The following MYO1H variants were observed in gnomAD, a reference collection of about 807,000 sequenced individuals.
The protein encoded by MYO1H is unconventional myosin-Ih.
Under a neutral mutation model 149.3 loss-of-function variants are expected in MYO1H, and 118 were observed. The ratio of observed to expected loss-of-function variants is 0.79; its 90% CI spans 0.68 to 0.92. MYO1H has a LOEUF of 0.92. MYO1H is among the 40% of genes least tolerant of loss of function. MYO1H has a pLI of 0.00. For synonymous variants in MYO1H, 447 were observed against 465.2 expected, an observed-to-expected ratio of 0.96 and a Z score of 0.50; for missense variants, 1,212 against 1,280.7, an observed-to-expected ratio of 0.95 and a Z score of 0.82.
Position 109,368,341 on chromosome 12 carries a change from G to A in MYO1H, c.13-20342G>A, listed in dbSNP as rs78804050. On this transcript the variant is annotated intron_variant, in intron 1 of 31. Transcript: ENST00000310903. ...AGATAATTGAAGGTAATAAACAATG[G>A]GACAACTTACAGTCATTAAAAAGAA... 2.5e-3 allele frequency among the ~76,000 whole-genome samples: 376 copies of A among 152,238 alleles called. 2 individuals are homozygous for A. The highest frequency in any genetic ancestry group is 8.8e-3 in the African/African-American group (364 of 41,524).
the MYO1H span, among the ~76,000 whole-genome samples, chr12:109,331,148 T>C: frequency 5.3e-5 from 8 of 152,232 alleles, no homozygotes; most frequent in African/African-American, 1.9e-4. Context: ...TGTTTTTTCA[T>C]CATTATCCTG....
chr12:109,409,240 C>CTTTTTTT (rs1870542742), intron 10 of MYO1H, among the ~76,000 whole-genome samples: 3 of 91,034 alleles, frequency 3.3e-5, no homozygotes, highest in Admixed American at 1.4e-4. Flanking sequence ...TCTTCTTCTT[C>CTTTTTTT]TTCTTCTTTT....
At chr12:109,332,753 A>C in the MYO1H span, among the ~76,000 whole-genome samples, 1 of 152,040 alleles carries the variant, frequency 6.6e-6, no homozygotes. Flanking sequence ...AATAATTAAA[A>C]ATTTTTATTG....
chr12:109,416,807 G>A (rs987739484), intron 15 of MYO1H, among the ~76,000 whole-genome samples: 1 of 152,144 alleles, frequency 6.6e-6, no homozygotes, highest in Non-Finnish European at 1.5e-5. Flanking sequence ...GGCCAAGATA[G>A]TGAAGCCCCA....
intron 1 of MYO1H, among the ~76,000 whole-genome samples, chr12:109,350,900 A>T (rs573777122): frequency 6.6e-6 from 1 of 152,372 alleles, no homozygotes; most frequent in Admixed American, 6.5e-5. Context: ...TAATTAGAGC[A>T]CAATATCTAA....
At chr12:109,397,097 G>A (rs1869949447) in intron 4 of MYO1H, among the ~76,000 whole-genome samples, 1 of 152,076 alleles carries the variant, frequency 6.6e-6, no homozygotes, top group Non-Finnish European at 1.5e-5. Flanking sequence ...CCAAAGTGCT[G>A]TAATTACAGG....
At chr12:109,358,628 G>A (rs1418019426) in intron 1 of MYO1H, among the ~76,000 whole-genome samples, 1 of 152,124 alleles carries the variant, frequency 6.6e-6, no homozygotes, top group African/African-American at 2.4e-5. Context: ...TTTTATGAAA[G>A]CCAGTTCCTA....
At chr12:109,436,905 A>T (rs1204389468) in intron 22 of MYO1H, among the ~76,000 whole-genome samples, 1 of 152,126 alleles carries the variant, frequency 6.6e-6, no homozygotes, top group Non-Finnish European at 1.5e-5. Context: ...CCTTGGCAGC[A>T]TGGTGAAACC....
In MYO1H at chr12:109,427,591, A is replaced by G. The variant is rs912283516; in HGVS notation, c.1949+5A>G. The G allele has an allele frequency of 6.9e-6, 11 of 1,590,818 alleles. No homozygotes were observed. The highest frequency in any genetic ancestry group is 4.0e-5 in the African/African-American group (3 of 74,372). On this transcript the variant is annotated splice_donor_5th_base_variant and intron_variant, in intron 19 of 31. Transcript: ENST00000310903. ...ATACGAGCATTTCTTGCAAAGGTAA[A>G]ATGTGCTTTATTGATCTGAAGCCAA...
At chr12:109,324,922 C>T in the MYO1H span, among the ~76,000 whole-genome samples, 1 of 152,112 alleles carries the variant, frequency 6.6e-6, no homozygotes, top group African/African-American at 2.4e-5. Flanking sequence ...CTCCCTGTGT[C>T]CCTGTGTTCT....
chr12:109,405,986 A>G (rs769568970), exon 8 of MYO1H: 6 of 1,613,888 alleles, frequency 3.7e-6, no homozygotes, highest in Non-Finnish European at 5.1e-6. Context: ...GAAGACGACC[A>G]AGGCTGTGCC....
At chr12:109,394,777 G>A (rs186053953) in intron 3 of MYO1H, among the ~76,000 whole-genome samples, 2 of 152,070 alleles carry the variant, frequency 1.3e-5, no homozygotes, top group African/African-American at 4.8e-5. Flanking sequence ...CCATATATAT[G>A]TTGAGACAGG....
At chr12:109,442,079 C>A in intron 26 of MYO1H, 138 bp from the exon 27 acceptor site, 1 of 720,618 alleles carries the variant, frequency 1.4e-6, no homozygotes, top group Non-Finnish European at 2.4e-6. Context: ...ATGCTCAACT[C>A]TGCAGCATTT....
At chr12:109,395,598 G>A (rs1428097270) in intron 3 of MYO1H, among the ~76,000 whole-genome samples, 1 of 139,172 alleles carries the variant, frequency 7.2e-6, no homozygotes, top group East Asian at 2.4e-4. Flanking sequence ...GCCAGGCGTG[G>A]TAGTGCTGCA....
chr12:109,413,675 C>T (rs1384435928), intron 14 of MYO1H, among the ~76,000 whole-genome samples: 2 of 152,036 alleles, frequency 1.3e-5, no homozygotes, highest in African/African-American at 4.8e-5. Context: ...TTTGAGAGGC[C>T]GAGGCAGCTG....
rs752136194 is a variant in MYO1H at position 109,401,158 on chromosome 12, CG to C, written c.637del (p.Glu213LysfsTer107). 1.2e-6 allele frequency: 2 copies of C among 1,613,872 alleles called. No homozygotes were observed. Among genetic ancestry groups the C allele is most frequent in the East Asian group, 4.5e-5 (2 of 44,876 alleles). ...AGAAGTCCCGAGTTGTCTACCAAAA[CG>C]AAGGCGAGCGGAATTTCCACATCTT... On this transcript the variant is annotated frameshift_variant, in exon 6 of 32. Transcript: ENST00000310903. LOFTEE classifies it high-confidence loss of function.
intron 31 of MYO1H, chr12:109,445,951 C>T (rs549387422): frequency 1.2e-5 from 12 of 985,382 alleles, no homozygotes; most frequent in East Asian, 1.1e-4. Flanking sequence ...CTTCCCCCCA[C>T]GTGGAAATCA....
chr12:109,432,802 A>T, intron 19 of MYO1H, 95 bp from the exon 20 acceptor site: 2 of 978,552 alleles, frequency 2.0e-6, no homozygotes, highest in Non-Finnish European at 3.3e-6. Flanking sequence ...CCGACATGCC[A>T]CAGCAGTGCT....
exon 19 of MYO1H, chr12:109,427,496 A>T: frequency 6.2e-7 from 1 of 1,612,818 alleles, no homozygotes; most frequent in Non-Finnish European, 8.5e-7. Context: ...CTCATAAGGC[A>T]TCAGATCAAA....
Sources: gnomAD v4.1 joint callset for allele counts (sites outside exome capture counted in the v4.1 genomes callset) on GRCh38, gnomAD v4.1.1 for gene constraint, MANE v1.5 for transcripts, NCBI Gene and HGNC (gene_info 2026-07-23, HGNC 2026-07-21) for gene names.